Variants in PXT1 observed in about 807,000 individuals in gnomAD.
PXT1 encodes peroxisomal testis enriched protein 1.
PXT1 carries 11 observed loss-of-function variants against 11.0 expected under a neutral mutation model. That is an observed-to-expected ratio of 1.00 (90% CI 0.63 to 1.66). The LOEUF is 1.66. PXT1 is among the 40% of genes most tolerant of loss of function. The probability of loss-of-function intolerance (pLI) is 0.00; values close to 1 mark genes in which losing one functional copy is unlikely to be tolerated. For missense variants in PXT1, 141 were observed against 155.5 expected, an observed-to-expected ratio of 0.91 and a Z score of 0.49; for synonymous variants, 43 against 51.4, an observed-to-expected ratio of 0.84 and a Z score of 0.70.
intron 3 of PXT1, among the ~76,000 whole-genome samples, chr6:36,409,974 A>G (rs1179976192): frequency 2.6e-5 from 4 of 151,470 alleles, no homozygotes; most frequent in African/African-American, 9.7e-5. Flanking sequence ...AGAAAAAAGA[A>G]AGAAAGAAAG....
chr6:36,400,927 A>AC (rs1479837210), intron 3 of PXT1, among the ~76,000 whole-genome samples: 1 of 151,972 alleles, frequency 6.6e-6, no homozygotes, highest in Non-Finnish European at 1.5e-5. Flanking sequence ...CCAAGATTGC[A>AC]CCATTGCACT....
chr6:36,391,363 A>T lies in PXT1; in HGVS notation c.*407T>A, dbSNP rs1774063966. On this transcript the variant is annotated 3_prime_UTR_variant, in exon 5 of 5. Coordinates refer to ENST00000454782, the MANE Select transcript of PXT1 (RefSeq NM_152990.4). Reference sequence around the variant, plus strand: ...TGGAGCCAACAGGTCACCAGAGGGCATGGTGCCCAGGGAGTGGGCCAGGAG... The same window carrying T: ...TGGAGCCAACAGGTCACCAGAGGGCTTGGTGCCCAGGGAGTGGGCCAGGAG... The T allele has an allele frequency of 1.1e-5, 2 of 177,426 alleles. No homozygotes were observed. The highest frequency in any genetic ancestry group is 2.3e-5 in the Non-Finnish European group (2 of 85,790). The allele number at this position is 177,426 out of a possible 1,614,324, so 11.0% of individuals were successfully genotyped here.
At chr6:36,424,110 T>C (rs190360835) in intron 3 of PXT1, among the ~76,000 whole-genome samples, 28 of 152,244 alleles carry the variant, frequency 1.8e-4, no homozygotes, top group Non-Finnish European at 2.8e-4. Context: ...GATCAGGAGG[T>C]AGAGTGTGAA....
At chr6:36,408,720 A>C (rs1774325739) in intron 3 of PXT1, among the ~76,000 whole-genome samples, 1 of 150,046 alleles carries the variant, frequency 6.7e-6, no homozygotes, top group Non-Finnish European at 1.5e-5. Flanking sequence ...AAAAAAAAAA[A>C]AAAAAATTGT....
chr6:36,434,652 G>T (rs1230404331), intron 2 of PXT1, among the ~76,000 whole-genome samples: 1 of 152,144 alleles, frequency 6.6e-6, no homozygotes, highest in Non-Finnish European at 1.5e-5. Context: ...ATTTCCAAGA[G>T]AAGTTCGTTT....
intron 4 of PXT1, among the ~76,000 whole-genome samples, chr6:36,394,673 C>T (rs1774115460): frequency 6.6e-6 from 1 of 150,818 alleles, no homozygotes. Flanking sequence ...GATGAGAAGC[C>T]TAACTATTTT....
chr6:36,425,736 T>C (rs2127416455), intron 3 of PXT1, among the ~76,000 whole-genome samples, 178 bp downstream of exon 3: 1 of 151,184 alleles, frequency 6.6e-6, no homozygotes, highest in African/African-American at 2.4e-5. Flanking sequence ...TGCAGAGAGC[T>C]GAGATGGCAC....
intron 4 of PXT1, among the ~76,000 whole-genome samples, chr6:36,397,472 A>T (rs1582246372): frequency 6.6e-6 from 1 of 152,318 alleles, no homozygotes; most frequent in East Asian, 1.9e-4. Context: ...ATATGCAAAA[A>T]AATGAAGATA....
rs1009982830 is a variant in PXT1 at position 36,430,795 on chromosome 6, A to AT, written c.-9-4705dup. On this transcript the variant is annotated intron_variant, in intron 2 of 4. Transcript: ENST00000454782. Reference sequence around the variant, plus strand: ...TGTTAGTAAATTGTCGTTTTATTTAATTTTTTTTTAATTTTTTGAGACAAC... The same window carrying AT: ...TGTTAGTAAATTGTCGTTTTATTTAATTTTTTTTTTAATTTTTTGAGACAAC... Among the ~76,000 whole-genome samples the AT allele has an allele frequency of 3.3e-3, 498 of 151,816 alleles. 2 individuals are homozygous for AT. Among genetic ancestry groups the AT allele is most frequent in the African/African-American group, 0.011 (453 of 41,424 alleles).
chr6:36,406,789 C>A (rs1017274374), intron 3 of PXT1, among the ~76,000 whole-genome samples: 3 of 143,872 alleles, frequency 2.1e-5, no homozygotes, highest in Non-Finnish European at 4.5e-5. Flanking sequence ...CTAGCCTGGG[C>A]GACAGAGTGA....
At chr6:36,418,113 G>A (rs918424353) in intron 3 of PXT1, among the ~76,000 whole-genome samples, 5 of 151,680 alleles carry the variant, frequency 3.3e-5, no homozygotes, top group Non-Finnish European at 5.9e-5. Context: ...GGAGAATGGC[G>A]TGAACCCAGG....
intron 2 of PXT1, among the ~76,000 whole-genome samples, chr6:36,434,890 C>G (rs1440634241): frequency 6.6e-6 from 1 of 152,156 alleles, no homozygotes; most frequent in African/African-American, 2.4e-5. Flanking sequence ...TAAAATGTAT[C>G]AGCTGAAATG....
intron 4 of PXT1, chr6:36,392,917 C>T (rs1386673335): frequency 6.6e-6 from 1 of 152,126 alleles, no homozygotes; most frequent in South Asian, 2.1e-4. Flanking sequence ...GAAAAAAAGT[C>T]CTTGCAGTGA....
intron 2 of PXT1, among the ~76,000 whole-genome samples, chr6:36,428,906 T>C (rs1456819439): frequency 2.0e-5 from 3 of 152,002 alleles, no homozygotes; most frequent in African/African-American, 7.2e-5. Flanking sequence ...TCCATCCACC[T>C]CGGCCTCCCA....
intron 3 of PXT1, among the ~76,000 whole-genome samples, chr6:36,412,008 G>C (rs983870670): frequency 6.6e-6 from 1 of 152,082 alleles, no homozygotes; most frequent in African/African-American, 2.4e-5. Context: ...TTCAGTGAAA[G>C]AAAATAATGT....
chr6:36,437,104 G>A (rs1282519907), intron 2 of PXT1, among the ~76,000 whole-genome samples: 13 of 152,080 alleles, frequency 8.5e-5, no homozygotes, highest in Admixed American at 5.9e-4. Flanking sequence ...TGGCCAACAC[G>A]GTGAAACCCC....
chr6:36,417,843 T>C (rs1774472169), intron 3 of PXT1, among the ~76,000 whole-genome samples: 1 of 151,922 alleles, frequency 6.6e-6, no homozygotes, highest in Admixed American at 6.6e-5. Context: ...GCACATTATT[T>C]AGAACACTGG....
chr6:36,395,014 A>G (rs1002426345), intron 4 of PXT1, among the ~76,000 whole-genome samples: 7 of 151,676 alleles, frequency 4.6e-5, no homozygotes, highest in East Asian at 3.9e-4. Flanking sequence ...AAACAAAAAA[A>G]AGAGAGAGAG....
intron 3 of PXT1, among the ~76,000 whole-genome samples, chr6:36,418,187 C>G (rs1774478090): frequency 6.7e-6 from 1 of 150,354 alleles, no homozygotes; most frequent in Non-Finnish European, 1.5e-5. Flanking sequence ...CAGAGCGAGA[C>G]TCCGTCTCAA....
Sources: allele counts gnomAD v4.1 joint callset (sites outside exome capture counted in the v4.1 genomes callset), GRCh38; gene constraint gnomAD v4.1.1; transcripts MANE v1.5; gene names NCBI Gene and HGNC (gene_info 2026-07-23, HGNC 2026-07-21).